IL1RAPL2: variants seen among roughly 807,000 people sequenced by gnomAD.
IL1RAPL2 encodes the protein X-linked interleukin-1 receptor accessory protein-like 2.
In IL1RAPL2, 3 loss-of-function variants were observed where a neutral mutation model predicts 44.1. The ratio of observed to expected loss-of-function variants is 0.07; its 90% confidence interval spans 0.03 to 0.18. The LOEUF (loss-of-function observed/expected upper bound fraction) is 0.18. IL1RAPL2 is among the 10% of genes least tolerant of loss of function. IL1RAPL2 has a pLI of 1.00. For missense variants in IL1RAPL2, 391 were observed against 496.4 expected (o/e 0.79, Z 2.02); for synonymous variants, 181 against 178.8 (o/e 1.01, Z -0.10).
chrX:105,071,928 G>A (rs759906533), intron 2 of IL1RAPL2, among the ~76,000 whole-genome samples: 1 of 111,972 alleles, frequency 8.9e-6, no homozygotes, highest in Non-Finnish European at 1.9e-5. Context: ...AGAAAACACA[G>A]GGGAAAAGCT....
intron 6 of IL1RAPL2, among the ~76,000 whole-genome samples, chrX:105,597,045 G>C (rs981963785): frequency 2.7e-5 from 3 of 111,763 alleles, no homozygotes; most frequent in Non-Finnish European, 5.6e-5. Flanking sequence ...TATGGATTAA[G>C]AGCACAGATT....
In IL1RAPL2 at chrX:104,585,089, TTCTC is replaced by T. The variant is rs1370943435; in HGVS notation, c.-20+18040_-20+18043del. ...CATTTGGAATCAATCCTTCCACACT[TTCTC>T]TATCTTTATATAAACCATACATAAC... On this transcript the variant is annotated intron_variant, in intron 1 of 10. Transcript: ENST00000372582. Among the ~76,000 whole-genome samples the T allele has an allele frequency of 3.2e-5, 3 of 94,722 alleles. No individual in the cohort carries two copies. In the Admixed American group the frequency reaches 4.0e-4, roughly 13 times the overall value. 82.3% of individuals were successfully genotyped at this position (94,722 alleles called of 115,157 possible). A position where few individuals can be genotyped will look rare whatever the true frequency, so the allele number is the denominator to read the frequency against.
intron 3 of IL1RAPL2, among the ~76,000 whole-genome samples, chrX:105,225,650 G>T (rs1254486312): frequency 2.8e-5 from 3 of 105,578 alleles, no homozygotes; most frequent in Non-Finnish European, 5.8e-5. Flanking sequence ...AAAGGTGTAT[G>T]TATAGAAAAC....
At chrX:105,414,299 T>G (rs2147742376) in intron 5 of IL1RAPL2, among the ~76,000 whole-genome samples, 1 of 110,865 alleles carries the variant, frequency 9.0e-6, no homozygotes, top group South Asian at 3.8e-4. Context: ...AGCTAATGTT[T>G]GTATTTTTAG....
At chrX:104,837,694 G>T (rs900061827) in intron 2 of IL1RAPL2, among the ~76,000 whole-genome samples, 3 of 111,803 alleles carry the variant, frequency 2.7e-5, no homozygotes, top group African/African-American at 9.8e-5. Context: ...TCACCCTGAT[G>T]CTAGTTTCTT....
intron 2 of IL1RAPL2, among the ~76,000 whole-genome samples, chrX:104,797,185 GCCCCCC>G (rs368534416): frequency 0.015 from 350 of 23,899 alleles, 65 homozygotes; most frequent in African/African-American, 0.099. Flanking sequence ...GATCTCTTCA[GCCCCCC>G]CCCCCCCCCC....
At chrX:105,724,622 T>C (rs1440368190) in intron 7 of IL1RAPL2, among the ~76,000 whole-genome samples, 1 of 111,619 alleles carries the variant, frequency 9.0e-6, no homozygotes, top group Non-Finnish European at 1.9e-5. Context: ...TTTCACTAAC[T>C]CCAGAAGATA....
intron 2 of IL1RAPL2, among the ~76,000 whole-genome samples, chrX:105,036,517 G>T (rs930639975): frequency 9.0e-6 from 1 of 110,702 alleles, no homozygotes; most frequent in African/African-American, 3.4e-5. Flanking sequence ...AAAGGCATCA[G>T]TGAGATATCT....
rs771820905 is a variant in IL1RAPL2 at position 105,702,276 on chromosome X, C to T, written c.773-15091C>T. On this transcript the variant is annotated intron_variant, in intron 6 of 10. Coordinates refer to ENST00000372582, the MANE Select transcript of IL1RAPL2 (RefSeq NM_017416.2). ...ATCGGTTGGTGCACTCCCCTGTTCT[C>T]TTTCTTCTCCAGAAAAAGGAAGTGT... is the stretch of plus-strand genomic sequence containing the variant. Among the ~76,000 whole-genome samples, 3 of 111,523 alleles carry T rather than the reference C, an allele frequency of 2.7e-5. No homozygotes were observed. The Admixed American group carries it at 2.9e-4, about 11-fold the overall frequency.
intron 5 of IL1RAPL2, among the ~76,000 whole-genome samples, chrX:105,324,844 C>T (rs1442586173): frequency 1.8e-5 from 2 of 111,928 alleles, no homozygotes; most frequent in African/African-American, 6.5e-5. Context: ...ATAAAATCTG[C>T]TGATATTTAA....
chrX:105,012,826 T>C (rs1297049461), intron 2 of IL1RAPL2, among the ~76,000 whole-genome samples: 1 of 111,044 alleles, frequency 9.0e-6, no homozygotes, highest in Non-Finnish European at 1.9e-5. Flanking sequence ...TTGTAGTTTC[T>C]CTGCTTTATA....
intron 2 of IL1RAPL2, among the ~76,000 whole-genome samples, chrX:104,946,143 C>T (rs1294621209): frequency 3.8e-5 from 4 of 104,517 alleles, no homozygotes; most frequent in East Asian, 3.0e-4. Context: ...GAGGCCGAGG[C>T]GGGTGGATCA....
chrX:105,413,659 G>A (rs2147742074), intron 5 of IL1RAPL2, among the ~76,000 whole-genome samples: 1 of 112,563 alleles, frequency 8.9e-6, no homozygotes, highest in African/African-American at 3.2e-5. Context: ...ATACATTCTT[G>A]TTATTTTAAA....
intron 3 of IL1RAPL2, among the ~76,000 whole-genome samples, chrX:105,216,965 A>C (rs1357986049): frequency 9.0e-6 from 1 of 110,922 alleles, no homozygotes; most frequent in Non-Finnish European, 1.9e-5. Context: ...AGATGGATTA[A>C]AGACTTAAAT....
intron 2 of IL1RAPL2, among the ~76,000 whole-genome samples, chrX:105,049,271 CTT>C (rs2031885751): frequency 9.1e-6 from 1 of 110,275 alleles, no homozygotes; most frequent in South Asian, 3.8e-4. Context: ...GCTGACATAT[CTT>C]TGAAAATATT....
intron 2 of IL1RAPL2, among the ~76,000 whole-genome samples, chrX:105,032,766 G>A (rs1161658830): frequency 1.8e-5 from 2 of 111,021 alleles, no homozygotes; most frequent in East Asian, 2.8e-4. Context: ...GATGAGTTCA[G>A]TTCCTGGGTA....
chrX:105,561,544 G>T (rs1240253957), intron 6 of IL1RAPL2, among the ~76,000 whole-genome samples: 1 of 111,666 alleles, frequency 9.0e-6, no homozygotes, highest in Non-Finnish European at 1.9e-5. Flanking sequence ...AAATCTAAAT[G>T]AACGTGAGAT....
rs1171872748 is a variant in IL1RAPL2 at position 105,670,105 on chromosome X, GTATATATATATATATATATATATATATA to G, written c.773-47246_773-47219del. ...GTGTGGCTCTATTTCTGGGTTTCCT[GTATATATATATATATATATATATATATA>G]TATATATATATATATCTCCACCAGA... On this transcript the variant is annotated intron_variant, in intron 6 of 10. Coordinates refer to ENST00000372582, the MANE Select transcript of IL1RAPL2 (RefSeq NM_017416.2). Among the ~76,000 whole-genome samples, 11 of 11,685 alleles carry G rather than the reference GTATATATATATATATATATATATATATA, an allele frequency of 9.4e-4. 1 individual carries two copies. In the South Asian group the frequency reaches 0.02, roughly 22 times the overall value. 10.1% of individuals were successfully genotyped at this position (11,685 alleles called of 115,157 possible). A position where few individuals can be genotyped will look rare whatever the true frequency, so the allele number is the denominator to read the frequency against.
intron 3 of IL1RAPL2, among the ~76,000 whole-genome samples, chrX:105,222,723 G>A (rs1490082953): frequency 8.9e-6 from 1 of 112,315 alleles, no homozygotes; most frequent in East Asian, 2.8e-4. Flanking sequence ...TCAGGGACAA[G>A]GATGAGGGAA....
Sources: gnomAD v4.1 joint callset for allele counts (sites outside exome capture counted in the v4.1 genomes callset) on GRCh38, gnomAD v4.1.1 for gene constraint, MANE v1.5 for transcripts, NCBI Gene and HGNC (gene_info 2026-07-23, HGNC 2026-07-21) for gene names.